Variants in CHRFAM7A observed in about 807,000 individuals in gnomAD.
CHRFAM7A encodes the protein CHRNA7 (exons 5-10) and FAM7A (exons A-E) fusion, also known as CHRNA7-FAM7A fusion protein.
Under a neutral mutation model 29.2 loss-of-function variants are expected in CHRFAM7A, and 3 were observed. The ratio of observed to expected loss-of-function variants is 0.10; its 90% CI spans 0.05 to 0.27. The LOEUF (loss-of-function observed/expected upper bound fraction) is 0.27. Ranked by LOEUF, CHRFAM7A falls within the 10% of genes least tolerant of loss-of-function variation. CHRFAM7A has a pLI of 1.00. For missense variants in CHRFAM7A, 22 were observed against 328.0 expected (o/e 0.07, Z 7.21); for synonymous variants, 7 against 135.4 (o/e 0.05, Z 6.58).
intron 5 of CHRFAM7A, among the ~76,000 whole-genome samples, chr15:30,374,307 C>T (rs1460745199): frequency 2.4e-4 from 23 of 96,966 alleles, no homozygotes; most frequent in Non-Finnish European, 3.9e-4. Flanking sequence ...GGAAGGGCCT[C>T]CACAGCCTTG....
chr15:30,376,068 TGTATGAGTGGTGTGAGTA>T (rs2058931007), intron 5 of CHRFAM7A, among the ~76,000 whole-genome samples: 1 of 150,674 alleles, frequency 6.6e-6, no homozygotes, highest in East Asian at 1.9e-4. Flanking sequence ...GTGGGTGGTG[TGTATGAGTGGTGTGAGTA>T]GTGTGAGTGG....
chr15:30,371,424 G>A (rs2058855650), intron 7 of CHRFAM7A, among the ~76,000 whole-genome samples: 1 of 148,646 alleles, frequency 6.7e-6, no homozygotes, highest in Non-Finnish European at 1.5e-5. Context: ...AATTTTAAAA[G>A]CATCAACACA....
At chr15:30,373,268 G>C in intron 5 of CHRFAM7A, 123 bp from the exon 6 acceptor site, 1 of 1,472,536 alleles carries the variant, frequency 6.8e-7, no homozygotes, top group East Asian at 2.3e-5. Flanking sequence ...CAGAGCAAAC[G>C]GAATCTGTCT....
At chr15:30,372,414 AC>A in intron 6 of CHRFAM7A, 73 bp from the exon 7 acceptor site, 1 of 465,216 alleles carries the variant, frequency 2.1e-6, no homozygotes, top group Non-Finnish European at 3.0e-6. Context: ...CAATGTGTAT[AC>A]CACACACAAG....
intron 9 of CHRFAM7A, among the ~76,000 whole-genome samples, 170 bp downstream of exon 9, chr15:30,367,248 T>G (rs1324882564): frequency 6.6e-6 from 1 of 151,208 alleles, no homozygotes; most frequent in Admixed American, 6.7e-5. Context: ...ATTACACCAC[T>G]GCACTCCAGC....
intron 5 of CHRFAM7A, among the ~76,000 whole-genome samples, chr15:30,374,996 C>CTGT (rs2058908284): frequency 6.8e-6 from 1 of 147,030 alleles, no homozygotes; most frequent in Admixed American, 6.9e-5. Context: ...GACAACGTGT[C>CTGT]CTGTCCTGAC....
chr15:30,374,125 G>A (rs1387476025), intron 5 of CHRFAM7A, among the ~76,000 whole-genome samples: 13 of 65,772 alleles, frequency 2.0e-4, no homozygotes, highest in Non-Finnish European at 2.7e-4. Context: ...GGGCCAAGGG[G>A]AGGAAACCAG....
intron 5 of CHRFAM7A, among the ~76,000 whole-genome samples, chr15:30,374,397 C>A (rs1475700540): frequency 1.2e-5 from 1 of 85,790 alleles, no homozygotes; most frequent in Non-Finnish European, 2.2e-5. Context: ...GTATGCTTTG[C>A]GTCCTTACAT....
intron 8 of CHRFAM7A, among the ~76,000 whole-genome samples, chr15:30,369,269 A>G (rs529014344): frequency 2.0e-5 from 3 of 150,002 alleles, no homozygotes; most frequent in African/African-American, 5.0e-5. Flanking sequence ...TCTGAGAAAT[A>G]AATGTCTGTT....
At chr15:30,371,244 G>C (rs1305749659) in intron 7 of CHRFAM7A, 60 bp from the exon 8 acceptor site, 1 of 813,748 alleles carries the variant, frequency 1.2e-6, no homozygotes, top group African/African-American at 1.8e-5. Context: ...CCTCAATTCT[G>C]TCTAACGAGG....
chr15:30,367,132 A>G (rs1333531019), intron 9 of CHRFAM7A, among the ~76,000 whole-genome samples: 1 of 150,682 alleles, frequency 6.6e-6, no homozygotes, highest in Non-Finnish European at 1.5e-5. Context: ...AAATACAAAA[A>G]AAAATTGGCC....
intron 4 of CHRFAM7A, among the ~76,000 whole-genome samples, chr15:30,377,611 G>T (rs1277133261): frequency 2.3e-5 from 3 of 128,180 alleles, no homozygotes; most frequent in East Asian, 4.5e-4. Context: ...GTCTTGCTGT[G>T]TTGCCCAGGC....
At chr15:30,376,124 G>GGTGTGT (rs112532606) in intron 5 of CHRFAM7A, among the ~76,000 whole-genome samples, 1 of 147,586 alleles carries the variant, frequency 6.8e-6, no homozygotes, top group African/African-American at 2.6e-5. Context: ...AGTACTGAGT[G>GGTGTGT]GTGTGTGTGT....
intron 7 of CHRFAM7A, among the ~76,000 whole-genome samples, chr15:30,371,470 T>A (rs1354474108): frequency 6.8e-6 from 1 of 147,910 alleles, no homozygotes; most frequent in Admixed American, 6.8e-5. Flanking sequence ...TTATCTTTCA[T>A]ATTCTCTGTA....
At chr15:30,376,128 TGTGTGTGTGAG>T (rs1375021291) in intron 5 of CHRFAM7A, among the ~76,000 whole-genome samples, 1 of 142,872 alleles carries the variant, frequency 7.0e-6, no homozygotes, top group African/African-American at 2.9e-5. Flanking sequence ...CTGAGTGGTG[TGTGTGTGTGAG>T]GTGTGTGTGA....
intron 7 of CHRFAM7A, among the ~76,000 whole-genome samples, chr15:30,371,680 T>C (rs1376567420): frequency 6.8e-6 from 1 of 147,478 alleles, no homozygotes; most frequent in African/African-American, 2.5e-5. Flanking sequence ...TTAGCAACTC[T>C]TTAAGACATT....
At chr15:30,376,124 G>GTT (rs1555499553) in intron 5 of CHRFAM7A, among the ~76,000 whole-genome samples, 3 of 147,588 alleles carry the variant, frequency 2.0e-5, no homozygotes, top group African/African-American at 7.8e-5. Flanking sequence ...AGTACTGAGT[G>GTT]GTGTGTGTGT....
intron 4 of CHRFAM7A, among the ~76,000 whole-genome samples, chr15:30,377,577 CT>C (rs66689503): frequency 0.66 from 61,853 of 93,744 alleles, 21,667 homozygotes; most frequent in East Asian, 0.92. Flanking sequence ...ACATATATAT[CT>C]TTTTTTTTTT....
At chr15:30,376,175 G>A (rs1345931350) in intron 5 of CHRFAM7A, among the ~76,000 whole-genome samples, 3 of 134,260 alleles carry the variant, frequency 2.2e-5, no homozygotes, top group Non-Finnish European at 4.8e-5. Flanking sequence ...GGTGAGTGGT[G>A]TGTGGTATGT....
Sources: allele counts gnomAD v4.1 joint callset (sites outside exome capture counted in the v4.1 genomes callset), GRCh38; gene constraint gnomAD v4.1.1; transcripts MANE v1.5; gene names NCBI Gene and HGNC (gene_info 2026-07-23, HGNC 2026-07-21).